Variants in ASIC2 observed in about 807,000 individuals in gnomAD.
The protein encoded by ASIC2 is acid-sensing ion channel 2.
Under a neutral mutation model 57.3 loss-of-function variants are expected in ASIC2, and 25 were observed. The ratio of observed to expected loss-of-function variants is 0.44; its 90% confidence interval spans 0.32 to 0.61. The LOEUF is 0.61. Ranked by LOEUF, ASIC2 falls within the 20% of genes least tolerant of loss-of-function variation. The pLI, the probability that ASIC2 is intolerant of heterozygous loss-of-function variation, is 0.06. For synonymous variants in ASIC2, 319 were observed against 307.5 expected (o/e 1.04, Z -0.39); for missense variants, 641 against 738.1 (o/e 0.87, Z 1.52).
At chr17:33,530,832 C>T (rs924715682) in intron 1 of ASIC2, among the ~76,000 whole-genome samples, 3 of 152,168 alleles carry the variant, frequency 2.0e-5, no homozygotes, top group Non-Finnish European at 2.9e-5. Flanking sequence ...TTAGTTTATG[C>T]ATTCACTCAT....
chr17:33,500,167 G>C (rs1467382617), intron 1 of ASIC2, among the ~76,000 whole-genome samples: 4 of 152,212 alleles, frequency 2.6e-5, no homozygotes, highest in African/African-American at 9.7e-5. Context: ...CTTGGGAACT[G>C]TAAGTAGGAA....
chr17:33,696,055 A>G (rs1908515196), intron 1 of ASIC2, among the ~76,000 whole-genome samples: 2 of 152,122 alleles, frequency 1.3e-5, no homozygotes, highest in African/African-American at 4.8e-5. Context: ...TTGCCTGCCA[A>G]CCTTTTTACT....
rs1910130246 is a variant in ASIC2 at position 34,086,861 on chromosome 17, C to T, written c.555+69117G>A. Among the ~76,000 whole-genome samples the T allele has an allele frequency of 1.3e-5, 2 of 152,178 alleles. 1 individual carries two copies. The highest frequency in any genetic ancestry group is 4.1e-4 in the South Asian group (2 of 4,824). ...GTTTTATCAGAGACTAGGACTGCAA[C>T]ACCTGCCTTTTTTTGTTTTCCATTT... On this transcript the variant is annotated intron_variant, in intron 1 of 9. Coordinates refer to the ASIC2 transcript ENST00000359872.
At chr17:33,643,113 A>G (rs915351404) in intron 1 of ASIC2, among the ~76,000 whole-genome samples, 1 of 151,678 alleles carries the variant, frequency 6.6e-6, no homozygotes, top group African/African-American at 2.4e-5. Context: ...GCATTTATGC[A>G]TACGATGTAT....
At chr17:33,439,330 T>C (rs1388960809) in intron 1 of ASIC2, among the ~76,000 whole-genome samples, 1 of 151,738 alleles carries the variant, frequency 6.6e-6, no homozygotes, top group Non-Finnish European at 1.5e-5. Context: ...AAAAAGAAAA[T>C]AAGAGGAATA....
At chr17:33,067,124 T>C (rs561336942) in intron 3 of ASIC2, among the ~76,000 whole-genome samples, 3 of 141,640 alleles carry the variant, frequency 2.1e-5, no homozygotes, top group Admixed American at 7.7e-5. Context: ...ACAATTCTAA[T>C]GGCCAAAATA....
At chr17:33,496,288 C>T (rs919437412) in intron 1 of ASIC2, among the ~76,000 whole-genome samples, 1 of 152,164 alleles carries the variant, frequency 6.6e-6, no homozygotes, top group Non-Finnish European at 1.5e-5. Flanking sequence ...CAGTTTTTCC[C>T]TCCTCCCCTC....
At chr17:33,939,853 C>A (rs1253540072) in intron 1 of ASIC2, among the ~76,000 whole-genome samples, 1 of 152,180 alleles carries the variant, frequency 6.6e-6, no homozygotes, top group Admixed American at 6.5e-5. Context: ...CCTTTAGACA[C>A]AAGTTGTAAA....
At chr17:33,637,734 G>A (rs1906417497) in intron 1 of ASIC2, among the ~76,000 whole-genome samples, 1 of 152,196 alleles carries the variant, frequency 6.6e-6, no homozygotes, top group East Asian at 1.9e-4. Context: ...CTGACTACCT[G>A]ACTGGTACTT....
chr17:33,634,896 G>T (rs145619162), intron 1 of ASIC2: 1 of 151,968 alleles, frequency 6.6e-6, no homozygotes, highest in Non-Finnish European at 1.5e-5. Flanking sequence ...CTTTGGTTTC[G>T]TGGAGGAGAG....
At chr17:33,577,098 C>A (rs1355268989) in intron 1 of ASIC2, among the ~76,000 whole-genome samples, 1 of 152,096 alleles carries the variant, frequency 6.6e-6, no homozygotes. Flanking sequence ...TTCCTCTGGC[C>A]AGAATACCCA....
chr17:33,028,177 G>A, intron 4 of ASIC2, 65 bp downstream of exon 4: 2 of 1,567,104 alleles, frequency 1.3e-6, no homozygotes, highest in East Asian at 2.3e-5. Context: ...CCATTAGGAT[G>A]AGAAATGCAA....
At chr17:33,564,720 G>A (rs1035751653) in intron 1 of ASIC2, among the ~76,000 whole-genome samples, 2 of 152,214 alleles carry the variant, frequency 1.3e-5, no homozygotes, top group African/African-American at 4.8e-5. Flanking sequence ...CAGAATCTCT[G>A]CAGCACTGTA....
intron 1 of ASIC2, among the ~76,000 whole-genome samples, chr17:33,326,289 A>G (rs748432275): frequency 7.9e-5 from 12 of 152,228 alleles, no homozygotes; most frequent in Non-Finnish European, 1.0e-4. Context: ...AACTTGACCA[A>G]TATCAGAGAT....
chr17:33,798,694 T>C (rs1020144018), intron 1 of ASIC2, among the ~76,000 whole-genome samples: 1 of 152,204 alleles, frequency 6.6e-6, no homozygotes, highest in South Asian at 2.1e-4. Context: ...ATCACATCCC[T>C]GGTTTTTCAA....
chr17:33,764,020 G>A, intron 1 of ASIC2, among the ~76,000 whole-genome samples: 1 of 152,178 alleles, frequency 6.6e-6, no homozygotes, highest in Admixed American at 6.5e-5. Context: ...TCGGCCGGGT[G>A]CCGTGGCTCG....
At chr17:34,062,377 C>T (rs8075863) in intron 1 of ASIC2, among the ~76,000 whole-genome samples, 100,475 of 151,924 alleles carry the variant, frequency 0.66, 34,293 homozygotes, top group South Asian at 0.81. Context: ...GCAAAAGTGG[C>T]GTTAAGAGCA....
intron 1 of ASIC2, among the ~76,000 whole-genome samples, chr17:34,148,821 G>A (rs534406476): frequency 6.6e-6 from 1 of 152,282 alleles, no homozygotes; most frequent in East Asian, 1.9e-4. Context: ...GAGAGTAACT[G>A]GTGCTCAGTT....
chr17:33,084,565 G>T (rs899437763), intron 3 of ASIC2, among the ~76,000 whole-genome samples: 1 of 152,212 alleles, frequency 6.6e-6, no homozygotes, highest in Non-Finnish European at 1.5e-5. Context: ...ATTCAACCAC[G>T]CAGTTTTGTC....
Sources: allele counts gnomAD v4.1 joint callset (sites outside exome capture counted in the v4.1 genomes callset), GRCh38; gene constraint gnomAD v4.1.1; transcripts MANE v1.5; gene names NCBI Gene and HGNC (gene_info 2026-07-23, HGNC 2026-07-21).